The following EGFR variants were observed in gnomAD, a reference collection of about 807,000 sequenced individuals.
The protein encoded by EGFR is avian erythroblastic leukemia viral (v-erb-b) oncogene homolog.
Under a neutral mutation model 143.0 loss-of-function variants are expected in EGFR, and 58 were observed. The observed-to-expected ratio is 0.41, with a 90% CI of 0.33 to 0.50. The LOEUF is 0.50. Ranked by LOEUF, EGFR falls within the 20% of genes least tolerant of loss-of-function variation. The pLI, the probability that EGFR is intolerant of heterozygous loss-of-function variation, is 0.39. For missense variants in EGFR, 1,307 were observed against 1,579.0 expected, an observed-to-expected ratio of 0.83 and a Z score of 2.92; for synonymous variants, 613 against 594.4, an observed-to-expected ratio of 1.03 and a Z score of -0.45.
chr7:55,123,142 T>C (rs1230074601), intron 1 of EGFR, among the ~76,000 whole-genome samples: 1 of 152,242 alleles, frequency 6.6e-6, no homozygotes, highest in African/African-American at 2.4e-5. Flanking sequence ...GAAAATCATC[T>C]ACCTAATTAC....
At chr7:55,108,317 G>A (rs1031952694) in intron 1 of EGFR, among the ~76,000 whole-genome samples, 1 of 152,224 alleles carries the variant, frequency 6.6e-6, no homozygotes, top group Non-Finnish European at 1.5e-5. Flanking sequence ...ACGCACAGGG[G>A]CCGTATCACT....
chr7:55,049,378 A>C (rs948740800), intron 1 of EGFR, among the ~76,000 whole-genome samples: 14 of 152,308 alleles, frequency 9.2e-5, no homozygotes, highest in South Asian at 2.1e-4. Flanking sequence ...ATTTCTCCTG[A>C]AGCACAAATC....
chr7:55,086,245 G>A (rs193174370), intron 1 of EGFR, among the ~76,000 whole-genome samples: 159 of 152,304 alleles, frequency 1.0e-3, no homozygotes, highest in African/African-American at 3.6e-3. Context: ...CTTGCACCCC[G>A]GAGCCTTCAT....
chr7:55,120,410 A>G (rs1793129501), intron 1 of EGFR, among the ~76,000 whole-genome samples: 1 of 152,246 alleles, frequency 6.6e-6, no homozygotes, highest in Non-Finnish European at 1.5e-5. Flanking sequence ...TGGTTTGACA[A>G]ATAATCACTC....
intron 1 of EGFR, among the ~76,000 whole-genome samples, chr7:55,041,160 C>T (rs111520006): frequency 0.14 from 21,014 of 152,224 alleles, 1,547 homozygotes; most frequent in African/African-American, 0.16. Context: ...TGCCTTTAAT[C>T]CCAGCACTTT....
chr7:55,068,597 C>T (rs1480676700), intron 1 of EGFR, among the ~76,000 whole-genome samples: 2 of 152,166 alleles, frequency 1.3e-5, no homozygotes, highest in Admixed American at 6.5e-5. Context: ...TGCTCCTGGT[C>T]GTTTCTGTTC....
In EGFR at chr7:55,208,230, G is replaced by A. The variant is rs1788156514; in HGVS notation, c.*2613G>A. ...TCTGGTAGAAGCCGCAAAGCCCTTAGCCTCTTCACGGATCTGGCGACTGTG... is the reference window on the plus strand; with the variant it reads ...TCTGGTAGAAGCCGCAAAGCCCTTAACCTCTTCACGGATCTGGCGACTGTG... On this transcript the variant is annotated 3_prime_UTR_variant, in exon 28 of 28. Transcript: ENST00000275493. The A allele has an allele frequency of 6.6e-6, 1 of 152,130 alleles. No individual in the cohort carries two copies. Among genetic ancestry groups the A allele is most frequent in the East Asian group, 1.9e-4 (1 of 5,196 alleles). 9.4% of individuals were successfully genotyped at this position (152,130 alleles called of 1,614,324 possible).
intron 1 of EGFR, among the ~76,000 whole-genome samples, chr7:55,133,693 C>T (rs549248698): frequency 6.6e-6 from 1 of 152,158 alleles, no homozygotes; most frequent in African/African-American, 2.4e-5. Context: ...GGCTCCCCAG[C>T]GAGCCAGGAA....
chr7:55,161,210 C>G (rs2128942256), intron 12 of EGFR, among the ~76,000 whole-genome samples: 1 of 152,352 alleles, frequency 6.6e-6, no homozygotes, highest in South Asian at 2.1e-4. Context: ...GGACTCACGG[C>G]ACCCCCTCTC....
chr7:55,205,621 C>T lies in EGFR; in HGVS notation c.*4C>T, dbSNP rs750967444. 1.5e-5 allele frequency: 25 copies of T among 1,614,140 alleles called. No homozygotes were observed. The highest frequency in any genetic ancestry group is 3.3e-5 in the South Asian group (3 of 91,076). Reference sequence around the variant, plus strand: ...CAGTGAATTTATTGGAGCATGACCACGGAGGATAGTATGAGCCCTAAAAAT... The same window carrying T: ...CAGTGAATTTATTGGAGCATGACCATGGAGGATAGTATGAGCCCTAAAAAT... On this transcript the variant is annotated 3_prime_UTR_variant, in exon 28 of 28. Coordinates refer to ENST00000275493, the MANE Select transcript of EGFR (RefSeq NM_005228.5).
At chr7:55,194,971 T>C (rs1787557759) in intron 22 of EGFR, among the ~76,000 whole-genome samples, 1 of 152,320 alleles carries the variant, frequency 6.6e-6, no homozygotes, top group East Asian at 1.9e-4. Flanking sequence ...GCCTAGTGTG[T>C]TGTACCAAGG....
chr7:55,145,465 C>CG (rs1311441401), intron 3 of EGFR, among the ~76,000 whole-genome samples: 5 of 152,236 alleles, frequency 3.3e-5, no homozygotes, highest in African/African-American at 1.2e-4. Context: ...GCCTGTTCCA[C>CG]TGTTTCCCTG....
chr7:55,044,419 T>C (rs17335808), intron 1 of EGFR, among the ~76,000 whole-genome samples: 14,456 of 152,218 alleles, frequency 0.095, 1,301 homozygotes, highest in African/African-American at 0.23. Flanking sequence ...TAGATTACTA[T>C]ACCTAACAAC....
At chr7:55,053,302 T>A (rs1458227361) in intron 1 of EGFR, among the ~76,000 whole-genome samples, 1 of 152,184 alleles carries the variant, frequency 6.6e-6, no homozygotes, top group Non-Finnish European at 1.5e-5. Flanking sequence ...CCTCGACCTC[T>A]GGAAAGGAGG....
chr7:55,093,698 T>C lies in EGFR; in HGVS notation c.89-48588T>C, dbSNP rs183029133. Among the ~76,000 whole-genome samples, 4 of 152,354 alleles carry C rather than the reference T, an allele frequency of 2.6e-5. No homozygotes were observed. In the East Asian group the frequency reaches 7.7e-4, roughly 29 times the overall value. ...ACTGCACTTAGACTCATTCCAATTT[T>C]GATGGAAACTTTTAGCTGGTGGATG... On this transcript the variant is annotated intron_variant, in intron 1 of 27. Coordinates refer to ENST00000275493, the MANE Select transcript of EGFR (RefSeq NM_005228.5).
chr7:55,179,106 G>A (rs115773351), intron 19 of EGFR, among the ~76,000 whole-genome samples: 3,657 of 152,332 alleles, frequency 0.024, 140 homozygotes, highest in African/African-American at 0.083. Context: ...ACTGCAGAGC[G>A]CCAGCTAGAC....
intron 17 of EGFR, 138 bp downstream of exon 17, chr7:55,173,262 G>C: frequency 7.7e-7 from 1 of 1,304,876 alleles, no homozygotes; most frequent in Non-Finnish European, 1.0e-6. Context: ...CTCTGAATGT[G>C]CAGTTATACC....
intron 27 of EGFR, 73 bp from the exon 28 acceptor site, chr7:55,205,183 T>C (rs2128974934): frequency 6.3e-7 from 1 of 1,586,098 alleles, no homozygotes; most frequent in African/African-American, 1.3e-5. Flanking sequence ...ATTCACAGGG[T>C]TCAGAACCCA....
At chr7:55,192,962 TAATG>T in intron 22 of EGFR, 121 bp downstream of exon 22, 9 of 899,778 alleles carry the variant, frequency 1.0e-5, no homozygotes, top group Non-Finnish European at 1.4e-5. Context: ...TGACTAATGA[TAATG>T]TAATCATTGC....
Sources: gnomAD v4.1 joint callset for allele counts (sites outside exome capture counted in the v4.1 genomes callset) on GRCh38, gnomAD v4.1.1 for gene constraint, MANE v1.5 for transcripts, NCBI Gene and HGNC (gene_info 2026-07-23, HGNC 2026-07-21) for gene names.